Variants in FARS2 observed in about 807,000 individuals in gnomAD.
FARS2 encodes phenylalanyl-tRNA synthetase 2, mitochondrial.
FARS2 carries 40 observed loss-of-function variants against 46.4 expected under a neutral mutation model. The ratio of observed to expected loss-of-function variants is 0.86; its 90% CI spans 0.67 to 1.12. The LOEUF is 1.12. Ranked by LOEUF, FARS2 falls within the 50% of genes most tolerant of loss-of-function variation. The pLI is 0.00. For synonymous variants in FARS2, 234 were observed against 214.9 expected, an observed-to-expected ratio of 1.09 and a Z score of -0.78; for missense variants, 513 against 567.9, an observed-to-expected ratio of 0.90 and a Z score of 0.98.
chr6:5,350,598 A>G (rs972883077), intron 1 of FARS2, among the ~76,000 whole-genome samples: 4 of 152,184 alleles, frequency 2.6e-5, no homozygotes, highest in African/African-American at 9.7e-5. Flanking sequence ...GCTTCAGGAA[A>G]TGGTCCTGGA....
At chr6:5,580,221 T>C (rs1773244847) in intron 5 of FARS2, among the ~76,000 whole-genome samples, 1 of 132,860 alleles carries the variant, frequency 7.5e-6, no homozygotes, top group Admixed American at 8.5e-5. Flanking sequence ...ACCCGAGAGA[T>C]GGAGGTTACA....
intron 6 of FARS2, among the ~76,000 whole-genome samples, chr6:5,693,696 T>C (rs1757914017): frequency 6.6e-6 from 1 of 152,220 alleles, no homozygotes; most frequent in Non-Finnish European, 1.5e-5. Context: ...ACTCGAAGAC[T>C]GGGAGTGACT....
intron 5 of FARS2, among the ~76,000 whole-genome samples, chr6:5,591,025 A>T (rs1773888478): frequency 3.9e-5 from 6 of 152,242 alleles, no homozygotes; most frequent in Admixed American, 3.9e-4. Flanking sequence ...TATAAAAAAC[A>T]CACAGATCAA....
chr6:5,349,718 A>G (rs1213790748), intron 1 of FARS2, among the ~76,000 whole-genome samples: 1 of 152,120 alleles, frequency 6.6e-6, no homozygotes. Context: ...AGGATACTAC[A>G]TTACATTTAG....
In FARS2 at chr6:5,509,619, C is replaced by T. The variant is rs573453524; in HGVS notation, c.905-35561C>T. Among the ~76,000 whole-genome samples the T allele has an allele frequency of 3.3e-5, 5 of 152,164 alleles. No homozygotes were observed. The East Asian group carries it at 5.8e-4, about 18-fold the overall frequency. On this transcript the variant is annotated intron_variant, in intron 4 of 6. Transcript: ENST00000274680. ...TGAGTGGCTTACTTTTCCAAGGAGT[C>T]GATAATGATGGAGAAAAGGATGTCC...
intron 5 of FARS2, among the ~76,000 whole-genome samples, chr6:5,583,925 T>A (rs55943047): frequency 0.23 from 35,395 of 152,020 alleles, 4,551 homozygotes; most frequent in East Asian, 0.4. Flanking sequence ...ACTTACTTCC[T>A]GAGAAAACTA....
At chr6:5,413,743 C>A (rs977409151) in intron 3 of FARS2, among the ~76,000 whole-genome samples, 1 of 152,210 alleles carries the variant, frequency 6.6e-6, no homozygotes, top group Non-Finnish European at 1.5e-5. Flanking sequence ...CCTCCTGTAG[C>A]AGCTCAGATT....
intron 6 of FARS2, among the ~76,000 whole-genome samples, chr6:5,626,387 C>T (rs1236771184): frequency 6.6e-6 from 1 of 152,164 alleles, no homozygotes; most frequent in Non-Finnish European, 1.5e-5. Context: ...CAGGGGGTGT[C>T]CACAGCAAGC....
At chr6:5,559,282 G>A (rs1277134045) in intron 5 of FARS2, among the ~76,000 whole-genome samples, 4 of 152,124 alleles carry the variant, frequency 2.6e-5, no homozygotes, top group African/African-American at 4.8e-5. Context: ...TGGTGCACCT[G>A]TGGTACCAGC....
chr6:5,264,536 C>T (rs1460077200), intron 1 of FARS2, among the ~76,000 whole-genome samples: 5 of 146,422 alleles, frequency 3.4e-5, no homozygotes, highest in African/African-American at 1.3e-4. Context: ...TCTTGTTTCT[C>T]AGGCTGGAGT....
chr6:5,370,110 C>T (rs1048522414), intron 2 of FARS2, among the ~76,000 whole-genome samples: 1 of 152,212 alleles, frequency 6.6e-6, no homozygotes, highest in Non-Finnish European at 1.5e-5. Flanking sequence ...AAACTCTCTC[C>T]TGCCAACGTA....
rs530318985 is a variant in FARS2, at chr6:5,527,076, T to TATG, written c.905-18104_905-18103insATG. Among the ~76,000 whole-genome samples the TATG allele has an allele frequency of 7.2e-5, 11 of 152,368 alleles. No individual in the cohort carries two copies. In the East Asian group the frequency reaches 2.1e-3, roughly 29 times the overall value. On this transcript the variant is annotated intron_variant, in intron 4 of 6. Coordinates refer to ENST00000274680, the MANE Select transcript of FARS2 (RefSeq NM_006567.5). The stretch of plus-strand genomic sequence containing the variant: ...GACAGTCTTCTTAATGTATACAGTA[T>TATG]TATATAGATATACATAAAAGTTATT...
intron 3 of FARS2, among the ~76,000 whole-genome samples, chr6:5,412,456 C>T (rs966646554): frequency 2.0e-5 from 3 of 152,214 alleles, no homozygotes; most frequent in South Asian, 2.1e-4. Context: ...CTTCAGATAA[C>T]GTGCTTGCCA....
intron 4 of FARS2, among the ~76,000 whole-genome samples, chr6:5,504,924 T>C (rs1292757281): frequency 6.6e-6 from 1 of 152,078 alleles, no homozygotes; most frequent in African/African-American, 2.4e-5. Flanking sequence ...CACCTCAGTC[T>C]CCCAAGTAGC....
intron 4 of FARS2, among the ~76,000 whole-genome samples, chr6:5,440,776 C>G (rs1763798554): frequency 6.6e-6 from 1 of 152,206 alleles, no homozygotes. Context: ...CCTCCCACCT[C>G]AACCTCCCAA....
chr6:5,409,410 C>T (rs899917988), intron 3 of FARS2, among the ~76,000 whole-genome samples: 22 of 151,374 alleles, frequency 1.5e-4, no homozygotes, highest in African/African-American at 5.1e-4. Context: ...AAGATTGCAC[C>T]ACCGTACTCC....
chr6:5,267,653 C>G (rs1206423015), intron 1 of FARS2, among the ~76,000 whole-genome samples: 2 of 151,216 alleles, frequency 1.3e-5, no homozygotes, highest in African/African-American at 4.9e-5. Flanking sequence ...ACTCGAGAGG[C>G]TGAGGCAGGA....
At position 5,771,317 on chromosome 6, in the gene FARS2, G is replaced by A. The variant is rs144758353; in HGVS notation, c.1244G>A (p.Arg415His). Residue 415 changes from arginine to histidine, a missense_variant, in exon 7 of 7, where the codon CGC becomes CAC. By Grantham distance (29) the Arg-to-His change is conservative. Coordinates refer to ENST00000274680, the MANE Select transcript of FARS2 (RefSeq NM_006567.5). ...PKTHKTSHCYRITYRHMERTL... is the reference protein window; with the variant it reads ...PKTHKTSHCYHITYRHMERTL... ...ACGCACAAGACCAGCCACTGCTACC[G>A]CATCACGTACCGCCACATGGAACGG... The A allele has an allele frequency of 5.6e-6, 9 of 1,614,008 alleles. No homozygotes were observed. Among genetic ancestry groups the A allele is most frequent in the Admixed American group, 1.7e-5 (1 of 59,996 alleles).
At chr6:5,395,125 G>T (rs1051647645) in intron 2 of FARS2, among the ~76,000 whole-genome samples, 1 of 152,022 alleles carries the variant, frequency 6.6e-6, no homozygotes, top group Non-Finnish European at 1.5e-5. Flanking sequence ...ATCTTGGCTC[G>T]CTTCAACCTC....
Sources: gnomAD v4.1 joint callset for allele counts (sites outside exome capture counted in the v4.1 genomes callset) on GRCh38, gnomAD v4.1.1 for gene constraint, MANE v1.5 for transcripts, NCBI Gene and HGNC (gene_info 2026-07-23, HGNC 2026-07-21) for gene names.